The following ACYP2 variants were observed in gnomAD, a reference collection of about 807,000 sequenced individuals.
ACYP2 encodes acylphosphatase-2.
ACYP2 carries 12 observed loss-of-function variants against 11.2 expected under a neutral mutation model. The observed-to-expected ratio is 1.08, with a 90% CI of 0.69 to 1.74. The LOEUF (loss-of-function observed/expected upper bound fraction) is 1.74. Ranked by LOEUF, ACYP2 falls within the 40% of genes most tolerant of loss-of-function variation. The pLI, the probability that ACYP2 is intolerant of heterozygous loss-of-function variation, is 0.00. For missense variants in ACYP2, 134 were observed against 101.9 expected, an observed-to-expected ratio of 1.31 and a Z score of -1.35; for synonymous variants, 43 against 32.2, an observed-to-expected ratio of 1.33 and a Z score of -1.13.
intron 6 of ACYP2, among the ~76,000 whole-genome samples, chr2:54,159,211 C>G (rs1455922395): frequency 6.6e-6 from 1 of 151,868 alleles, no homozygotes; most frequent in African/African-American, 2.4e-5. Context: ...TCAATACTGC[C>G]TGAGATCACC....
At chr2:54,007,382 T>C (rs1438694126) in intron 2 of ACYP2, among the ~76,000 whole-genome samples, 1 of 151,434 alleles carries the variant, frequency 6.6e-6, no homozygotes, top group Non-Finnish European at 1.5e-5. Context: ...GCCTCCCAAG[T>C]AGCTGGGACT....
chr2:54,136,691 T>C (rs1396768039), intron 5 of ACYP2, among the ~76,000 whole-genome samples: 2 of 152,160 alleles, frequency 1.3e-5, no homozygotes, highest in African/African-American at 4.8e-5. Flanking sequence ...TGAAAAGTTC[T>C]AAGGCCGGAT....
intron 4 of ACYP2, among the ~76,000 whole-genome samples, chr2:54,080,921 T>C (rs1677613151): frequency 6.6e-6 from 1 of 152,238 alleles, no homozygotes; most frequent in South Asian, 2.1e-4. Context: ...CCACCATGCC[T>C]GGCTGTTTTG....
intron 6 of ACYP2, among the ~76,000 whole-genome samples, chr2:54,212,609 T>C (rs1318128901): frequency 3.9e-5 from 6 of 152,296 alleles, no homozygotes; most frequent in Admixed American, 2.0e-4. Flanking sequence ...TTCTGACACA[T>C]AGCTTATTGA....
At chr2:54,007,522 G>A (rs1167622832) in intron 2 of ACYP2, among the ~76,000 whole-genome samples, 1 of 152,042 alleles carries the variant, frequency 6.6e-6, no homozygotes. Context: ...CAAAGTCCTG[G>A]GATTACAGGC....
intron 2 of ACYP2, among the ~76,000 whole-genome samples, chr2:54,038,136 G>A (rs1378734276): frequency 1.3e-5 from 2 of 152,212 alleles, no homozygotes; most frequent in Non-Finnish European, 1.5e-5. Context: ...AACACTTCCT[G>A]GAAGGTGGGA....
chr2:54,222,543 C>CT (rs1381686126), intron 6 of ACYP2, among the ~76,000 whole-genome samples: 1 of 106,066 alleles, frequency 9.4e-6, no homozygotes, highest in African/African-American at 4.2e-5. Flanking sequence ...GAGCGAGACT[C>CT]TGTCTCAAAA....
chr2:53,975,271 C>T (rs548178956), intron 2 of ACYP2: 2 of 398,172 alleles, frequency 5.0e-6, no homozygotes, highest in South Asian at 2.6e-4. Context: ...TGACAATGAG[C>T]TCCCTAGAAA....
At chr2:54,204,089 C>G (rs902411600) in intron 6 of ACYP2, among the ~76,000 whole-genome samples, 1 of 152,100 alleles carries the variant, frequency 6.6e-6, no homozygotes, top group African/African-American at 2.4e-5. Context: ...CTGCCTCCCA[C>G]GTTGAAGTGA....
intron 6 of ACYP2, among the ~76,000 whole-genome samples, chr2:54,302,122 G>T (rs572988976): frequency 3.9e-5 from 6 of 152,326 alleles, no homozygotes; most frequent in African/African-American, 1.4e-4. Flanking sequence ...AATACATTGA[G>T]TTATCAGCTC....
chr2:54,203,647 G>A (rs1558611086), intron 6 of ACYP2, among the ~76,000 whole-genome samples: 1 of 152,168 alleles, frequency 6.6e-6, no homozygotes, highest in Non-Finnish European at 1.5e-5. Flanking sequence ...AAATTGTTGA[G>A]TGGTTTTTCT....
At position 54,144,026 on chromosome 2, in the gene ACYP2, A is replaced by G. The variant is rs147102014; in HGVS notation, c.404+5278A>G. Among the ~76,000 whole-genome samples the G allele has an allele frequency of 2.6e-5, 4 of 152,016 alleles. No individual in the cohort carries two copies. In the East Asian group the frequency reaches 5.8e-4, roughly 22 times the overall value. Reference sequence around the variant, plus strand: ...GCTCTGTCACCCAAGCTGGAGTGCAATGGCACAATCACAGCTCACTGCAGC... The same window carrying G: ...GCTCTGTCACCCAAGCTGGAGTGCAGTGGCACAATCACAGCTCACTGCAGC... On this transcript the variant is annotated intron_variant, in intron 6 of 6. Transcript: ENST00000607452.
intron 6 of ACYP2, among the ~76,000 whole-genome samples, chr2:54,304,340 T>A (rs1199017743): frequency 6.6e-6 from 1 of 152,114 alleles, no homozygotes; most frequent in Non-Finnish European, 1.5e-5. Flanking sequence ...ATTGTTTTTA[T>A]TACTAAGCTC....
At chr2:54,247,123 T>C (rs1413115101) in intron 6 of ACYP2, among the ~76,000 whole-genome samples, 2 of 152,170 alleles carry the variant, frequency 1.3e-5, no homozygotes, top group Non-Finnish European at 2.9e-5. Context: ...TTTTTTGGGG[T>C]ATGTTAGGCT....
At chr2:54,238,899 G>T (rs1014505640) in intron 6 of ACYP2, among the ~76,000 whole-genome samples, 2 of 151,258 alleles carry the variant, frequency 1.3e-5, no homozygotes, top group Admixed American at 6.6e-5. Flanking sequence ...CAGGCAGCTG[G>T]GTACTGCCTA....
chr2:54,003,953 CTTTG>C (rs1672928747), intron 2 of ACYP2, among the ~76,000 whole-genome samples: 1 of 151,702 alleles, frequency 6.6e-6, no homozygotes, highest in African/African-American at 2.4e-5. Context: ...AGTGGTACCT[CTTTG>C]TTTTTGTTTT....
intron 4 of ACYP2, among the ~76,000 whole-genome samples, chr2:54,128,456 C>T (rs1680677037): frequency 2.6e-5 from 4 of 151,892 alleles, no homozygotes; most frequent in Admixed American, 2.6e-4. Flanking sequence ...TTGAGTGAAG[C>T]CAGAAGTTTG....
At chr2:54,267,092 G>A (rs910761670) in intron 6 of ACYP2, among the ~76,000 whole-genome samples, 2 of 152,156 alleles carry the variant, frequency 1.3e-5, no homozygotes, top group Admixed American at 6.5e-5. Flanking sequence ...GGTAAGATAC[G>A]GAGTTGAGTG....
At chr2:54,254,048 GTACC>G (rs1313990614) in intron 6 of ACYP2, 1 of 152,210 alleles carries the variant, frequency 6.6e-6, no homozygotes, top group African/African-American at 2.4e-5. Flanking sequence ...GCAAATAAAG[GTACC>G]TAGATTTTGA....
Sources: gnomAD v4.1 joint callset for allele counts (sites outside exome capture counted in the v4.1 genomes callset) on GRCh38, gnomAD v4.1.1 for gene constraint, MANE v1.5 for transcripts, NCBI Gene and HGNC (gene_info 2026-07-23, HGNC 2026-07-21) for gene names.